NRXN1: variants seen among roughly 807,000 people sequenced by gnomAD.
NRXN1 encodes neurexin 1.
Under a neutral mutation model 150.9 loss-of-function variants are expected in NRXN1, and 39 were observed. The ratio of observed to expected loss-of-function variants is 0.26; its 90% CI spans 0.20 to 0.34. The LOEUF is 0.34. Ranked by LOEUF, NRXN1 falls within the 10% of genes least tolerant of loss-of-function variation. NRXN1 has a pLI of 1.00. For synonymous variants in NRXN1, 924 were observed against 757.0 expected, an observed-to-expected ratio of 1.22 and a Z score of -3.62; for missense variants, 1,815 against 1,949.9, an observed-to-expected ratio of 0.93 and a Z score of 1.30.
intron 5 of NRXN1, among the ~76,000 whole-genome samples, chr2:50,836,840 T>C (rs1451760152): frequency 8.8e-6 from 1 of 114,096 alleles, no homozygotes; most frequent in Non-Finnish European, 1.9e-5. Context: ...ATCATAATTG[T>C]AAAAAAAAAA....
Position 49,920,735 on chromosome 2 carries a change from T to C in NRXN1, c.*1209A>G, listed in dbSNP as rs1668048698. On this transcript the variant is annotated 3_prime_UTR_variant, in exon 23 of 23. Transcript: ENST00000401669. ...GTGTGTGTGTGTGTGTGTGTGTGTG[T>C]GTGTGTGTGAAAATAGTGAATGTAT... 2 of 119,944 alleles carry C rather than the reference T, an allele frequency of 1.7e-5. 1 individual carries two copies. Among genetic ancestry groups the C allele is most frequent in the Admixed American group, 1.8e-4 (2 of 11,200 alleles). The allele number at this position is 119,944 out of a possible 1,614,324, so 7.4% of individuals were successfully genotyped here.
At chr2:50,092,274 A>G (rs1699684285) in intron 18 of NRXN1, among the ~76,000 whole-genome samples, 1 of 152,212 alleles carries the variant, frequency 6.6e-6, no homozygotes, top group Admixed American at 6.5e-5. Flanking sequence ...GTTGCTGTTA[A>G]CTTTAGAATT....
chr2:50,317,940 T>TATATA (rs1026244587), intron 17 of NRXN1, among the ~76,000 whole-genome samples: 13 of 152,040 alleles, frequency 8.6e-5, no homozygotes, highest in Non-Finnish European at 1.9e-4. Flanking sequence ...GGTAGAAAAG[T>TATATA]ATATCTTAAA....
At chr2:50,317,219 A>G (rs546414510) in intron 17 of NRXN1, among the ~76,000 whole-genome samples, 1 of 152,134 alleles carries the variant, frequency 6.6e-6, no homozygotes, top group South Asian at 2.1e-4. Context: ...AAGACTCACA[A>G]TTCTACATAA....
chr2:50,640,770 C>T (rs1417392306), intron 5 of NRXN1, among the ~76,000 whole-genome samples: 1 of 152,164 alleles, frequency 6.6e-6, no homozygotes, highest in African/African-American at 2.4e-5. Flanking sequence ...TAGCTAAATT[C>T]AGTTGTTTTC....
intron 17 of NRXN1, among the ~76,000 whole-genome samples, chr2:50,431,918 T>C (rs2084999604): frequency 6.6e-6 from 1 of 152,240 alleles, no homozygotes; most frequent in Non-Finnish European, 1.5e-5. Flanking sequence ...CTAACAATTG[T>C]TGAATCCTAT....
At chr2:50,072,215 C>T (rs1696388985) in intron 19 of NRXN1, among the ~76,000 whole-genome samples, 1 of 152,202 alleles carries the variant, frequency 6.6e-6, no homozygotes, top group East Asian at 1.9e-4. Context: ...CCTTGTAACA[C>T]CTGCTACGCG....
intron 17 of NRXN1, among the ~76,000 whole-genome samples, chr2:50,405,017 C>T (rs1169168812): frequency 6.6e-6 from 1 of 152,076 alleles, no homozygotes; most frequent in African/African-American, 2.4e-5. Context: ...GACAAACGTT[C>T]TGGTCTAGAA....
intron 17 of NRXN1, among the ~76,000 whole-genome samples, chr2:50,288,198 G>T (rs1045591601): frequency 1.3e-5 from 2 of 152,072 alleles, no homozygotes; most frequent in Non-Finnish European, 2.9e-5. Flanking sequence ...ATTTAACAAT[G>T]AAGCTAAAGC....
chr2:50,464,608 C>G (rs1025234364), intron 17 of NRXN1: 7 of 151,922 alleles, frequency 4.6e-5, no homozygotes, highest in Non-Finnish European at 1.0e-4. Context: ...GGAGGTTTAG[C>G]TTAAGTGTTG....
chr2:50,992,201 G>T (rs543106562), intron 2 of NRXN1, among the ~76,000 whole-genome samples: 3 of 152,024 alleles, frequency 2.0e-5, no homozygotes, highest in South Asian at 2.1e-4. Context: ...GCAATAATGA[G>T]TTTATTTAGT....
At chr2:50,238,231 C>T (rs1037183962) in intron 17 of NRXN1, among the ~76,000 whole-genome samples, 1 of 151,826 alleles carries the variant, frequency 6.6e-6, no homozygotes, top group Non-Finnish European at 1.5e-5. Context: ...CTGAATAGAA[C>T]CAAAAAAGAA....
intron 2 of NRXN1, among the ~76,000 whole-genome samples, chr2:51,014,217 G>T (rs2105219428): frequency 6.6e-6 from 1 of 152,144 alleles, no homozygotes; most frequent in East Asian, 2.0e-4. Flanking sequence ...AAGAGCATTA[G>T]CCAGCTGAAG....
At chr2:50,750,078 G>A (rs561569279) in intron 5 of NRXN1, among the ~76,000 whole-genome samples, 2 of 152,010 alleles carry the variant, frequency 1.3e-5, no homozygotes, top group East Asian at 3.9e-4. Flanking sequence ...TAGACATTGG[G>A]ATGGGAGATC....
chr2:49,941,689 G>A (rs1048801338), intron 22 of NRXN1, among the ~76,000 whole-genome samples: 1 of 152,122 alleles, frequency 6.6e-6, no homozygotes, highest in Non-Finnish European at 1.5e-5. Flanking sequence ...TTTCATCGCT[G>A]TATTAATACT....
chr2:50,125,525 C>A (rs986400017), intron 18 of NRXN1, among the ~76,000 whole-genome samples: 1 of 151,872 alleles, frequency 6.6e-6, no homozygotes, highest in African/African-American at 2.4e-5. Context: ...TCAAACTGAG[C>A]CAGAAACTGA....
At chr2:49,937,537 TG>T (rs1233217362) in intron 22 of NRXN1, among the ~76,000 whole-genome samples, 1 of 152,216 alleles carries the variant, frequency 6.6e-6, no homozygotes, top group African/African-American at 2.4e-5. Context: ...TAAATTTATA[TG>T]GAAAAAACAT....
At chr2:50,360,623 G>A (rs1226714254) in intron 17 of NRXN1, among the ~76,000 whole-genome samples, 1 of 152,160 alleles carries the variant, frequency 6.6e-6, no homozygotes, top group African/African-American at 2.4e-5. Context: ...CAAGTTCTTA[G>A]AGACCTACAA....
chr2:50,748,166 A>C (rs948384165), intron 5 of NRXN1, among the ~76,000 whole-genome samples: 1 of 152,118 alleles, frequency 6.6e-6, no homozygotes, highest in African/African-American at 2.4e-5. Flanking sequence ...TCTAGTAATA[A>C]CCCAACCAAG....
Sources: gnomAD v4.1 joint callset for allele counts (sites outside exome capture counted in the v4.1 genomes callset) on GRCh38, gnomAD v4.1.1 for gene constraint, MANE v1.5 for transcripts, NCBI Gene and HGNC (gene_info 2026-07-23, HGNC 2026-07-21) for gene names.